The following CTNNA2 variants were observed in gnomAD, a reference collection of about 807,000 sequenced individuals.
CTNNA2 encodes the protein catenin alpha 2.
A neutral mutation model predicts 101.0 loss-of-function variants in CTNNA2; 42 were observed. The ratio of observed to expected loss-of-function variants is 0.42; its 90% CI spans 0.32 to 0.54. The LOEUF (loss-of-function observed/expected upper bound fraction) is 0.54, where lower values mean the gene tolerates loss of function less well. Among genes scored for constraint, CTNNA2 ranks in the 20% least tolerant of loss-of-function variants. The pLI is 0.14. For missense variants in CTNNA2, 871 were observed against 1,223.1 expected, an observed-to-expected ratio of 0.71 and a Z score of 4.29; for synonymous variants, 450 against 456.4, an observed-to-expected ratio of 0.99 and a Z score of 0.18.
chr2:79,480,287 A>C (rs1045858046), intron 4 of CTNNA2, among the ~76,000 whole-genome samples: 1 of 152,090 alleles, frequency 6.6e-6, no homozygotes, highest in South Asian at 2.1e-4. Context: ...ATTATGCTCT[A>C]CCTCCAACAT....
chr2:80,004,627 G>A (rs755862261), intron 7 of CTNNA2, among the ~76,000 whole-genome samples: 10 of 152,002 alleles, frequency 6.6e-5, no homozygotes, highest in East Asian at 1.9e-4. Flanking sequence ...TCAGAATAAC[G>A]CAGCTACTAA....
intron 7 of CTNNA2, among the ~76,000 whole-genome samples, chr2:80,315,364 G>A (rs902818699): frequency 6.6e-6 from 1 of 152,186 alleles, no homozygotes; most frequent in Non-Finnish European, 1.5e-5. Flanking sequence ...CTTCTGTGGG[G>A]ACCAGGTTGA....
At chr2:80,587,323 C>G (rs182690732) in intron 14 of CTNNA2, among the ~76,000 whole-genome samples, 1 of 151,964 alleles carries the variant, frequency 6.6e-6, no homozygotes, top group Non-Finnish European at 1.5e-5. Flanking sequence ...GCATAGACCC[C>G]GAGCCCATCC....
chr2:80,225,836 T>C (rs1403362139), intron 7 of CTNNA2, among the ~76,000 whole-genome samples: 2 of 152,166 alleles, frequency 1.3e-5, no homozygotes, highest in Non-Finnish European at 2.9e-5. Context: ...AATACAGAAA[T>C]CAATTTCAAT....
intron 11 of CTNNA2, among the ~76,000 whole-genome samples, 196 bp downstream of exon 11, chr2:80,546,259 A>G (rs565455221): frequency 1.3e-5 from 2 of 152,342 alleles, no homozygotes; most frequent in Non-Finnish European, 2.9e-5. Context: ...CAAGACACGG[A>G]GTCAAGGCAT....
chr2:80,216,353 G>A (rs1708269524), intron 7 of CTNNA2, among the ~76,000 whole-genome samples: 1 of 152,118 alleles, frequency 6.6e-6, no homozygotes, highest in African/African-American at 2.4e-5. Context: ...GCTTGGAACT[G>A]GAACTCTGAA....
chr2:80,073,448 T>C (rs1258989166), intron 7 of CTNNA2, among the ~76,000 whole-genome samples: 1 of 152,090 alleles, frequency 6.6e-6, no homozygotes, highest in Non-Finnish European at 1.5e-5. Context: ...CTCAGAAGGG[T>C]AGCAGCAGCT....
intron 7 of CTNNA2, among the ~76,000 whole-genome samples, chr2:80,324,222 A>G (rs1679009360): frequency 6.6e-6 from 1 of 152,288 alleles, no homozygotes; most frequent in African/African-American, 2.4e-5. Context: ...GAACCTCTCC[A>G]AAGTTAGGTG....
chr2:79,388,092 C>A (rs925704592), intron 4 of CTNNA2, among the ~76,000 whole-genome samples: 7 of 152,162 alleles, frequency 4.6e-5, no homozygotes, highest in East Asian at 1.9e-4. Context: ...AACAGAAAAT[C>A]TGAAAATATA....
intron 12 of CTNNA2, among the ~76,000 whole-genome samples, chr2:80,565,177 T>C (rs1693946289): frequency 6.6e-6 from 1 of 152,114 alleles, no homozygotes; most frequent in South Asian, 2.1e-4. Context: ...TTGTTTTTAT[T>C]TTCTGGAAGT....
At chr2:80,313,836 C>G (rs1397986346) in intron 7 of CTNNA2, among the ~76,000 whole-genome samples, 1 of 152,182 alleles carries the variant, frequency 6.6e-6, no homozygotes, top group African/African-American at 2.4e-5. Context: ...ACTACCATAT[C>G]TTCCCAAATG....
intron 1 of CTNNA2, among the ~76,000 whole-genome samples, chr2:79,618,482 T>C (rs1260375048): frequency 6.6e-6 from 1 of 152,164 alleles, no homozygotes; most frequent in Non-Finnish European, 1.5e-5. Flanking sequence ...GGAGGTTTAG[T>C]TCACTGATGA....
intron 2 of CTNNA2, among the ~76,000 whole-genome samples, chr2:79,294,918 A>T (rs1024752249): frequency 6.6e-6 from 1 of 152,102 alleles, no homozygotes; most frequent in African/African-American, 2.4e-5. Context: ...TGGATATATT[A>T]TCTACTGATT....
chr2:80,545,980 A>G lies in CTNNA2; in HGVS notation c.1457A>G (p.Lys486Arg), dbSNP rs755128469. Reference sequence around the variant, plus strand: ...GCTCAGGATAACATGGACGTCTTCAAAGACCAGTGGGAGAAGCAGGTCCGA... The same window carrying G: ...GCTCAGGATAACATGGACGTCTTCAGAGACCAGTGGGAGAAGCAGGTCCGA... ...KVAQDNMDVF[K>R]DQWEKQVRVL... Residue 486 changes from lysine to arginine, a missense_variant, in exon 11 of 19, where the codon AAA becomes AGA. Around this residue, in one of 5 missense-constraint regions of CTNNA2, gnomAD observed 647 missense variants for 831.5 expected, o/e 0.78. Transcript: ENST00000402739. The G allele has an allele frequency of 1.9e-6, 3 of 1,614,152 alleles. No homozygotes were observed. Among genetic ancestry groups the G allele is most frequent in the Admixed American group, 1.7e-5 (1 of 60,022 alleles).
At chr2:79,242,623 T>C (rs567859230) in intron 2 of CTNNA2, among the ~76,000 whole-genome samples, 1 of 152,292 alleles carries the variant, frequency 6.6e-6, no homozygotes, top group African/African-American at 2.4e-5. Context: ...TATATTCAAA[T>C]TTCCTCCATT....
chr2:79,908,230 A>G (rs1685555070), intron 6 of CTNNA2, among the ~76,000 whole-genome samples: 1 of 152,246 alleles, frequency 6.6e-6, no homozygotes, highest in Non-Finnish European at 1.5e-5. Flanking sequence ...GATTAGCAAT[A>G]GAATAACTAC....
At chr2:79,420,166 G>A (rs566720456) in intron 4 of CTNNA2, among the ~76,000 whole-genome samples, 1 of 152,214 alleles carries the variant, frequency 6.6e-6, no homozygotes, top group South Asian at 2.1e-4. Context: ...TCAAAAAAGT[G>A]ACAAAAGACA....
chr2:79,811,174 A>T (rs543136790), intron 3 of CTNNA2, among the ~76,000 whole-genome samples: 49 of 151,896 alleles, frequency 3.2e-4, no homozygotes, highest in Non-Finnish European at 6.2e-4. Context: ...TTTCTGCACA[A>T]CCTCTCCAGC....
chr2:80,599,145 A>G (rs1697244795), intron 15 of CTNNA2, among the ~76,000 whole-genome samples: 1 of 152,208 alleles, frequency 6.6e-6, no homozygotes, highest in Admixed American at 6.5e-5. Flanking sequence ...TAATATTTCA[A>G]AATAAAAAGT....
Sources: allele counts gnomAD v4.1 joint callset (sites outside exome capture counted in the v4.1 genomes callset), GRCh38; gene constraint gnomAD v4.1.1; regional missense constraint gnomAD v4.1.1; transcripts MANE v1.5; gene names NCBI Gene and HGNC (gene_info 2026-07-23, HGNC 2026-07-21).